Variants in APOB observed in about 807,000 individuals in gnomAD.
APOB encodes the protein apolipoprotein B, also known as apolipoprotein B-100.
In APOB, 153 loss-of-function variants were observed where a neutral mutation model predicts 314.1. The ratio of observed to expected loss-of-function variants is 0.49; its 90% CI spans 0.43 to 0.56. The LOEUF (loss-of-function observed/expected upper bound fraction) is 0.56, where lower values mean the gene tolerates loss of function less well. Among genes scored for constraint, APOB ranks in the 20% least tolerant of loss-of-function variants. The probability of loss-of-function intolerance (pLI) is 0.00; values close to 1 mark genes in which losing one functional copy is unlikely to be tolerated. For missense variants in APOB, 5,430 were observed against 5,350.7 expected, an observed-to-expected ratio of 1.01 and a Z score of -0.46; for synonymous variants, 2,087 against 2,036.4, an observed-to-expected ratio of 1.02 and a Z score of -0.67.
intron 19 of APOB, 85 bp downstream of exon 19, chr2:21,019,638 A>G (rs1663549584): frequency 1.4e-6 from 2 of 1,403,470 alleles, no homozygotes; most frequent in African/African-American, 1.4e-5. Flanking sequence ...GTCTTACAAC[A>G]CAGAGTATTT....
At chr2:21,004,936 G>T in intron 26 of APOB, 144 bp downstream of exon 26, 1 of 1,126,822 alleles carries the variant, frequency 8.9e-7, no homozygotes, top group Non-Finnish European at 1.3e-6. Flanking sequence ...TTACGTGTAG[G>T]GTATACATGT....
Position 21,011,273 on chromosome 2 carries a change from G to T in APOB, c.5595C>A (p.Ser1865Arg). ...TVAKVQGVEF[S>R]HRLNTDIAGL... The stretch of plus-strand genomic sequence containing the variant: ...CAGCGATGTCTGTGTTGAGCCGATG[G>T]CTAAACTCCACACCCTGAACCTTAG... The change falls in exon 26 of 29, where the codon AGC becomes AGA. Residue 1865 changes from serine to arginine, a missense_variant. Transcript: ENST00000233242. 1.2e-6 allele frequency: 2 copies of T among 1,614,214 alleles called. No homozygotes were observed. The highest frequency in any genetic ancestry group is 1.7e-6 in the Non-Finnish European group (2 of 1,180,008).
chr2:21,011,932 T>C lies in APOB; in HGVS notation c.4936A>G (p.Arg1646Gly), dbSNP rs1558565428. 6.2e-7 allele frequency: 1 copy of C among 1,613,950 alleles called. No individual in the cohort carries two copies. The highest frequency in any genetic ancestry group is 1.7e-5 in the Admixed American group (1 of 60,008). ...GTAGATATTCCATCTTGGCCAATCC[T>C]TAGTGTCGCCTTGTGAGCACCACTA... ...INSGAHKATL[R>G]IGQDGISTSA... Residue 1646 changes from arginine (R) to glycine (G), a missense_variant, in exon 26 of 29, where the codon AGG becomes GGG. Arg to Gly is a moderately radical substitution (Grantham distance 125). This residue lies in a region of APOB where 2,085 missense variants were observed against 2,079.7 expected (regional missense o/e 1.00). Coordinates refer to ENST00000233242, the MANE Select transcript of APOB (RefSeq NM_000384.3).
rs1034889717 is a variant in APOB at position 21,026,875 on chromosome 2, C to T, written c.2157G>A (p.Leu719=). 1 of 1,614,130 alleles carries T rather than the reference C, an allele frequency of 6.2e-7. No homozygotes were observed. Among genetic ancestry groups the T allele is most frequent in the Non-Finnish European group, 8.5e-7 (1 of 1,179,996 alleles). The part of the protein sequence containing the change: ...GFFPDSVNKA[L]YWVNGQVPDG... Reference sequence around the variant, plus strand: ...CAGGAACTTGACCATTAACCCAGTACAAAGCTTTGTTGACACTGTCTGGGA... The same window carrying T: ...CAGGAACTTGACCATTAACCCAGTATAAAGCTTTGTTGACACTGTCTGGGA... Residue 719 remains leucine, a synonymous_variant, in exon 15 of 29, where the codon TTG becomes TTA. Coordinates refer to ENST00000233242, the MANE Select transcript of APOB (RefSeq NM_000384.3).
rs935792706 is a variant in APOB at position 21,002,363 on chromosome 2, G to T, written c.13059C>A (p.Cys4353Ter). The change falls in exon 29 of 29, where the codon TGC becomes TGA. Residue 4353 changes from cysteine to a stop codon, truncating the protein, a stop_gained. Transcript: ENST00000233242. LOFTEE classifies it low-confidence loss of function (END_TRUNC). Reference protein sequence around the residue: ...YVFKLLKENLCLNLHKFNEFI... With the variant: ...YVFKLLKENL ...ATTCATTGAACTTATGAAGATTAAG[G>T]CATAGGTTTTCTTTCAACAATTTAA... 2.5e-6 allele frequency: 4 copies of T among 1,606,184 alleles called. No individual in the cohort carries two copies. The highest frequency in any genetic ancestry group is 1.7e-4 in the Middle Eastern group (1 of 6,022).
Position 21,041,045 on chromosome 2 carries a change from C to A in APOB, c.276G>T (p.Leu92=). The A allele has an allele frequency of 6.2e-7, 1 of 1,613,110 alleles. No individual in the cohort carries two copies. Among genetic ancestry groups the A allele is most frequent in the Non-Finnish European group, 8.5e-7 (1 of 1,179,862 alleles). ...CTTTCAGGGTGCACTGGCTGGTCTT[C>A]AGGATGAAGCTGCAGAGCTGGGGAA... ...LEVPQLCSFI[L]KTSQCTLKEV... The change falls in exon 4 of 29, where the codon CTG becomes CTT. Residue 92 remains leucine, a synonymous_variant. Coordinates refer to ENST00000233242, the MANE Select transcript of APOB (RefSeq NM_000384.3).
At chr2:21,013,124 C>T (rs777677295) in intron 25 of APOB, 36 bp downstream of exon 25, 20 of 1,612,230 alleles carry the variant, frequency 1.2e-5, no homozygotes, top group Non-Finnish European at 1.7e-5. Context: ...CTGCCATGAA[C>T]TAGCCCGGTG....
chr2:21,008,964 T>G lies in APOB; in HGVS notation c.7904A>C (p.Asp2635Ala). ...GGATGGGATTTTTATATTTTTTAAG[T>G]CTTTGAAGTTTATCTGAACTGATGG... Reference protein sequence around the residue: ...RIPSVQINFKDLKNIKIPSRF... With the variant: ...RIPSVQINFKALKNIKIPSRF... The change falls in exon 26 of 29, where the codon GAC (aspartate) becomes GCC (alanine). Residue 2635 changes from aspartate to alanine, a missense_variant. Asp to Ala is a moderately radical substitution (Grantham distance 126). This residue lies in a region of APOB where 3,281 missense variants were observed against 3,171.0 expected (regional missense o/e 1.03). Coordinates refer to ENST00000233242, the MANE Select transcript of APOB (RefSeq NM_000384.3). 31 of 1,614,046 alleles carry G rather than the reference T, an allele frequency of 1.9e-5. No homozygotes were observed. The highest frequency in any genetic ancestry group is 2.6e-5 in the Non-Finnish European group (31 of 1,179,926).
intron 20 of APOB, 85 bp downstream of exon 20, chr2:21,018,907 T>C: frequency 4.4e-6 from 7 of 1,600,952 alleles, no homozygotes; most frequent in Admixed American, 1.7e-5. Context: ...ATTTGTTAAA[T>C]AGGTTAAATT....
rs752133513 is a variant in APOB, at chr2:21,009,636, G to A, written c.7232C>T (p.Thr2411Ile). 19 of 1,613,616 alleles carry A rather than the reference G, an allele frequency of 1.2e-5. No individual in the cohort carries two copies. Among genetic ancestry groups the A allele is most frequent in the East Asian group, 2.2e-5 (1 of 44,872 alleles). The stretch of plus-strand genomic sequence containing the variant: ...GAATTTGTTAACATCTTCAATGAAT[G>A]TTTTAAAAGATAATTCATTAAGCTT... ...VKKLNELSFK[T>I]FIEDVNKFLD... The change falls in exon 26 of 29, where the codon ACA (threonine) becomes ATA (isoleucine). Residue 2411 changes from threonine to isoleucine, a missense_variant. By Grantham distance (89) the Thr-to-Ile change is moderately conservative. This residue lies in a region of APOB where 3,281 missense variants were observed against 3,171.0 expected (regional missense o/e 1.03). Transcript: ENST00000233242.
Position 21,005,296 on chromosome 2 carries a change from G to T in APOB, c.11572C>A (p.Pro3858Thr). 1 of 1,614,046 alleles carries T rather than the reference G, an allele frequency of 6.2e-7. No homozygotes were observed. Among genetic ancestry groups the T allele is most frequent in the African/African-American group, 1.3e-5 (1 of 75,024 alleles). ...GAGGGAATCTCAATGGTCTGCTCAG[G>T]CACGATGATGGTGGGCAACTCAAAG... ...ADFELPTIIVPEQTIEIPSIK... is the reference protein window; with the variant it reads ...ADFELPTIIVTEQTIEIPSIK... The change falls in exon 26 of 29, where the codon CCT (proline) becomes ACT (threonine). Residue 3858 changes from proline to threonine, a missense_variant. Transcript: ENST00000233242.
Position 21,028,538 on chromosome 2 carries a change from C to A in APOB, c.1618G>T (p.Asp540Tyr), listed in dbSNP as rs765784658. The change falls in exon 13 of 29, where the codon GAC becomes TAC. Residue 540 changes from aspartate (D) to tyrosine (Y), a missense_variant and splice_region_variant. Around this residue, in one of 3 missense-constraint regions of APOB, gnomAD observed 2,085 missense variants for 2,079.7 expected, o/e 1.00. Transcript: ENST00000233242. Reference sequence around the variant, plus strand: ...AAAGTCTGAAGAAGAACCTCCTGGTCCTGCAGTCAAAAGAGGAGATGGTTA... The same window carrying A: ...AAAGTCTGAAGAAGAACCTCCTGGTACTGCAGTCAAAAGAGGAGATGGTTA... ...ALRKMEPKDK[D>Y]QEVLLQTFLD... 2 of 1,608,412 alleles carry A rather than the reference C, an allele frequency of 1.2e-6. No homozygotes were observed. The highest frequency in any genetic ancestry group is 2.2e-5 in the East Asian group (1 of 44,856).
At position 21,009,387 on chromosome 2, in the gene APOB, T is replaced by C. The variant is rs1191225004; in HGVS notation, c.7481A>G (p.Asn2494Ser). 1.2e-6 allele frequency: 2 copies of C among 1,613,980 alleles called. No homozygotes were observed. Among genetic ancestry groups the C allele is most frequent in the Non-Finnish European group, 1.7e-6 (2 of 1,179,980 alleles). Residue 2494 changes from asparagine to serine, a missense_variant, in exon 26 of 29, where the codon AAT becomes AGT. Asn to Ser is a conservative substitution (Grantham distance 46, BLOSUM62 1). This residue lies in a region of APOB where 3,281 missense variants were observed against 3,171.0 expected (regional missense o/e 1.03). Transcript: ENST00000233242. ...LQDTKITLII[N>S]WLQEALSSAS... Reference sequence around the variant, plus strand: ...TGAACTTAAAGCCTCCTGTAACCAATTGATGATTAAGGTTATTTTGGTGTC... The same window carrying C: ...TGAACTTAAAGCCTCCTGTAACCAACTGATGATTAAGGTTATTTTGGTGTC...
At position 21,005,864 on chromosome 2, in the gene APOB, G is replaced by A. The variant is rs1426315190; in HGVS notation, c.11004C>T (p.His3668=). Residue 3668 remains histidine (H), a synonymous_variant, in exon 26 of 29, where the codon CAC becomes CAT. Coordinates refer to ENST00000233242, the MANE Select transcript of APOB (RefSeq NM_000384.3). ...GGATGATATTTTTGAGGAACCTTAGGTGTCCTTCTAAGGATCCTGCAATGT... is the reference window on the plus strand; with the variant it reads ...GGATGATATTTTTGAGGAACCTTAGATGTCCTTCTAAGGATCCTGCAATGT... The part of the protein sequence containing the change: ...HLDIAGSLEG[H]LRFLKNIILP... The A allele has an allele frequency of 6.2e-7, 1 of 1,613,712 alleles. No homozygotes were observed. Among genetic ancestry groups the A allele is most frequent in the East Asian group, 2.2e-5 (1 of 44,876 alleles).
At chr2:21,023,130 A>T in intron 17 of APOB, 88 bp from the exon 18 acceptor site, 1 of 1,193,936 alleles carries the variant, frequency 8.4e-7, no homozygotes, top group Non-Finnish European at 1.3e-6. Flanking sequence ...ACCTCCGGGC[A>T]AAGATTTCCT....
intron 10 of APOB, 117 bp downstream of exon 10, chr2:21,032,237 A>C: frequency 1.1e-6 from 1 of 907,856 alleles, no homozygotes; most frequent in Non-Finnish European, 1.8e-6. Flanking sequence ...GAAAAAACAC[A>C]AGAGTAAGGA....
At chr2:21,031,999 C>T (rs767243662) in intron 10 of APOB, among the ~76,000 whole-genome samples, 2 of 152,096 alleles carry the variant, frequency 1.3e-5, no homozygotes, top group Non-Finnish European at 2.9e-5. Context: ...CTTTGAAATG[C>T]TTCAGAAAAT....
At chr2:21,035,913 T>C (rs1199530181) in intron 6 of APOB, among the ~76,000 whole-genome samples, 2 of 152,200 alleles carry the variant, frequency 1.3e-5, no homozygotes, top group African/African-American at 4.8e-5. Context: ...CTCCTCTTTT[T>C]CCACCCTCAC....
At chr2:21,012,975 A>G (rs1663368717) in intron 25 of APOB, among the ~76,000 whole-genome samples, 185 bp downstream of exon 25, 2 of 152,244 alleles carry the variant, frequency 1.3e-5, no homozygotes, top group Admixed American at 1.3e-4. Context: ...ACTGCCTACT[A>G]GAATATTTAA....
Sources: allele counts gnomAD v4.1 joint callset (sites outside exome capture counted in the v4.1 genomes callset), GRCh38; gene constraint gnomAD v4.1.1; regional missense constraint gnomAD v4.1.1; transcripts MANE v1.5; gene names NCBI Gene and HGNC (gene_info 2026-07-23, HGNC 2026-07-21).